RBMS1: variants seen among roughly 807,000 people sequenced by gnomAD.
RBMS1 encodes RNA binding motif single stranded interacting protein 1.
In RBMS1, 17 loss-of-function variants were observed where a neutral mutation model predicts 62.3. That is an observed-to-expected ratio of 0.27 (90% CI 0.19 to 0.41). RBMS1 has a LOEUF of 0.41. Ranked by LOEUF, RBMS1 falls within the 10% of genes least tolerant of loss-of-function variation. The pLI, the probability that RBMS1 is intolerant of heterozygous loss-of-function variation, is 1.00. For missense variants in RBMS1, 334 were observed against 504.5 expected (o/e 0.66, Z 3.24); for synonymous variants, 172 against 170.0 (o/e 1.01, Z -0.09).
intron 9 of RBMS1, chr2:160,281,618 A>G: frequency 2.9e-6 from 1 of 345,556 alleles, no homozygotes; most frequent in Non-Finnish European, 5.3e-6. Context: ...CAACAAAGAG[A>G]AAAAGGCGAA....
At chr2:160,324,882 G>GTGTGTGTGTATA (rs1206910746) in intron 2 of RBMS1, among the ~76,000 whole-genome samples, 3 of 100,016 alleles carry the variant, frequency 3.0e-5, no homozygotes, top group African/African-American at 1.3e-4. Context: ...GTGTGTGTGT[G>GTGTGTGTGTATA]TATATATATA....
chr2:160,443,225 A>AC (rs1319926464), intron 1 of RBMS1, among the ~76,000 whole-genome samples: 10 of 150,904 alleles, frequency 6.6e-5, no homozygotes, highest in African/African-American at 2.4e-4. Flanking sequence ...AAAAAAAACA[A>AC]AAAAAAAAAC....
intron 1 of RBMS1, among the ~76,000 whole-genome samples, chr2:160,374,625 TAAC>T (rs1198129711): frequency 6.6e-6 from 1 of 152,056 alleles, no homozygotes; most frequent in East Asian, 1.9e-4. Context: ...ATAATGTTTA[TAAC>T]AATAATAATA....
chr2:160,338,998 G>T (rs1171630803), intron 2 of RBMS1, among the ~76,000 whole-genome samples: 1 of 152,196 alleles, frequency 6.6e-6, no homozygotes, highest in Non-Finnish European at 1.5e-5. Flanking sequence ...ACTGAGGCCA[G>T]GAAGCAAAAG....
rs749357394 is a variant in RBMS1 at position 160,303,374 on chromosome 2, T to C, written c.516A>G (p.Ile172Met). 6.2e-7 allele frequency: 1 copy of C among 1,613,388 alleles called. No homozygotes were observed. Among genetic ancestry groups the C allele is most frequent in the Non-Finnish European group, 8.5e-7 (1 of 1,179,714 alleles). The change falls in exon 5 of 14, where the codon ATA becomes ATG. Residue 172 changes from isoleucine to methionine, a missense_variant. Ile to Met is a conservative substitution (Grantham distance 10, BLOSUM62 1). Around this residue, in one of 3 missense-constraint regions of RBMS1, gnomAD observed 150 missense variants for 228.0 expected, o/e 0.66. Coordinates refer to ENST00000348849, the MANE Select transcript of RBMS1 (RefSeq NM_016836.4). ...GACTTGTACCACTGGAATCACGTAG[T>C]ATCCTTGTAGAAATAACTTGTCCAA... ...KPFGQVISTR[I>M]LRDSSGTSRG...
In RBMS1 at chr2:160,273,255, G is replaced by C. The variant is rs1687662486; in HGVS notation, c.*1517C>G. On this transcript the variant is annotated 3_prime_UTR_variant, in exon 14 of 14. Coordinates refer to ENST00000348849, the MANE Select transcript of RBMS1 (RefSeq NM_016836.4). The stretch of plus-strand genomic sequence containing the variant: ...TAGTGATGATGTAAAGTGTGGCACT[G>C]CTTGGATCCAAATCTTCCTTCATGC... 6.6e-6 allele frequency: 1 copy of C among 152,328 alleles called. No individual in the cohort carries two copies. Among genetic ancestry groups the C allele is most frequent in the African/African-American group, 2.4e-5 (1 of 41,578 alleles). The allele number at this position is 152,328 out of a possible 1,614,324, so 9.4% of individuals were successfully genotyped here. A position where few individuals can be genotyped will look rare whatever the true frequency, so the allele number is the denominator to read the frequency against.
intron 1 of RBMS1, among the ~76,000 whole-genome samples, chr2:160,457,333 T>A (rs1228491794): frequency 6.6e-6 from 1 of 152,142 alleles, no homozygotes; most frequent in East Asian, 1.9e-4. Context: ...TTTCTCCATG[T>A]TGGTCAGGCT....
intron 1 of RBMS1, among the ~76,000 whole-genome samples, chr2:160,406,448 T>C (rs946970219): frequency 1.3e-5 from 2 of 152,236 alleles, no homozygotes; most frequent in African/African-American, 4.8e-5. Context: ...TACAGTTCGC[T>C]TGCATCCTTT....
At chr2:160,334,679 C>T (rs1209299250) in intron 2 of RBMS1, among the ~76,000 whole-genome samples, 2 of 152,070 alleles carry the variant, frequency 1.3e-5, no homozygotes, top group African/African-American at 2.4e-5. Flanking sequence ...AGAATGGACC[C>T]GAGCCAGGAG....
intron 1 of RBMS1, among the ~76,000 whole-genome samples, chr2:160,451,915 A>T (rs1684009767): frequency 6.6e-6 from 1 of 152,152 alleles, no homozygotes; most frequent in Non-Finnish European, 1.5e-5. Context: ...TGGCCAATGC[A>T]GCAGTATCTT....
At chr2:160,324,907 T>TATATATATACACAC (rs1321182985) in intron 2 of RBMS1, among the ~76,000 whole-genome samples, 24 of 106,796 alleles carry the variant, frequency 2.2e-4, no homozygotes, top group African/African-American at 1.0e-3. Flanking sequence ...TATATATATA[T>TATATATATACACAC]ACACACACAC....
intron 1 of RBMS1, among the ~76,000 whole-genome samples, chr2:160,421,419 T>C (rs1574036998): frequency 6.6e-6 from 1 of 152,058 alleles, no homozygotes; most frequent in Non-Finnish European, 1.5e-5. Context: ...GTCCTTGAGA[T>C]AGTTTGTTGA....
chr2:160,354,057 T>C (rs978759612), intron 2 of RBMS1, among the ~76,000 whole-genome samples: 3 of 152,128 alleles, frequency 2.0e-5, no homozygotes, highest in Non-Finnish European at 2.9e-5. Flanking sequence ...GTGCCTGTTA[T>C]GCTGTTTCTC....
At chr2:160,311,242 A>ATATCTATC (rs1469764112) in intron 4 of RBMS1, among the ~76,000 whole-genome samples, 3 of 123,652 alleles carry the variant, frequency 2.4e-5, no homozygotes, top group African/African-American at 8.2e-5. Context: ...CTATATATAT[A>ATATCTATC]TATATATATA....
chr2:160,431,622 C>G lies in RBMS1; in HGVS notation c.75+61667G>C, dbSNP rs74648470. On this transcript the variant is annotated intron_variant, in intron 1 of 13. Transcript: ENST00000348849. ...TGCAAGACTTGACTCATACTTATTTCTCCAGTACTATCTTGCACTATTGTC... is the reference window on the plus strand; with the variant it reads ...TGCAAGACTTGACTCATACTTATTTGTCCAGTACTATCTTGCACTATTGTC... Among the ~76,000 whole-genome samples the G allele has an allele frequency of 9.0e-3, 1,371 of 151,884 alleles. 34 individuals carry two copies. Among genetic ancestry groups the G allele is most frequent in the African/African-American group, 0.032 (1,302 of 41,178 alleles).
chr2:160,312,325 G>A (rs1282372736), intron 4 of RBMS1, among the ~76,000 whole-genome samples: 2 of 151,996 alleles, frequency 1.3e-5, no homozygotes, highest in African/African-American at 4.8e-5. Context: ...CAGAAACTGT[G>A]ATATTCTAAG....
chr2:160,426,218 G>GAAGAGAGAAAGA (rs1553522519), intron 1 of RBMS1, among the ~76,000 whole-genome samples: 19 of 48,722 alleles, frequency 3.9e-4, no homozygotes, highest in African/African-American at 1.1e-3. Context: ...GAGAGAGACA[G>GAAGAGAGAAAGA]AAGAAAGAAA....
intron 1 of RBMS1, among the ~76,000 whole-genome samples, chr2:160,383,454 G>GA (rs67468107): frequency 0.021 from 409 of 19,940 alleles, 7 homozygotes; most frequent in African/African-American, 0.046. Flanking sequence ...GACATGAATT[G>GA]GGGGGGGGGG....
chr2:160,421,653 G>C (rs970993717), intron 1 of RBMS1, among the ~76,000 whole-genome samples: 1 of 152,130 alleles, frequency 6.6e-6, no homozygotes, highest in Non-Finnish European at 1.5e-5. Flanking sequence ...AATCCTTTGG[G>C]TATATACCCA....
Sources: allele counts gnomAD v4.1 joint callset (sites outside exome capture counted in the v4.1 genomes callset), GRCh38; gene constraint gnomAD v4.1.1; regional missense constraint gnomAD v4.1.1; transcripts MANE v1.5; gene names NCBI Gene and HGNC (gene_info 2026-07-23, HGNC 2026-07-21).